The following TSHZ2 variants were observed in gnomAD, a reference collection of about 807,000 sequenced individuals.
The protein encoded by TSHZ2 is teashirt zinc finger homeobox 2.
Under a neutral mutation model 74.4 loss-of-function variants are expected in TSHZ2, and 21 were observed. The ratio of observed to expected loss-of-function variants is 0.28; its 90% CI spans 0.20 to 0.41. The LOEUF is 0.41. TSHZ2 is among the 10% of genes least tolerant of loss of function. TSHZ2 has a pLI of 1.00. For missense variants in TSHZ2, 1,244 were observed against 1,293.5 expected, an observed-to-expected ratio of 0.96 and a Z score of 0.59; for synonymous variants, 540 against 515.3, an observed-to-expected ratio of 1.05 and a Z score of -0.65.
intron 1 of TSHZ2, among the ~76,000 whole-genome samples, chr20:53,166,203 TG>T (rs1009020239): frequency 9.9e-5 from 15 of 152,216 alleles, no homozygotes; most frequent in African/African-American, 3.6e-4. Flanking sequence ...CAGGAGGTAT[TG>T]GGGCAGTTTC....
intron 1 of TSHZ2, among the ~76,000 whole-genome samples, chr20:53,076,388 C>T (rs1985364043): frequency 6.6e-6 from 1 of 152,200 alleles, no homozygotes; most frequent in South Asian, 2.1e-4. Flanking sequence ...TTCATTTGTT[C>T]AACTTACTGA....
At chr20:53,379,029 T>C (rs1981762869) in intron 2 of TSHZ2, among the ~76,000 whole-genome samples, 1 of 152,314 alleles carries the variant, frequency 6.6e-6, no homozygotes, top group Admixed American at 6.5e-5. Context: ...GATTTTTTTG[T>C]TTATTTTTTA....
intron 1 of TSHZ2, among the ~76,000 whole-genome samples, chr20:52,990,379 G>A (rs899811731): frequency 6.9e-6 from 1 of 143,902 alleles, no homozygotes; most frequent in Non-Finnish European, 1.5e-5. Context: ...CTTGGCTTAA[G>A]TACGCTGAAC....
intron 1 of TSHZ2, among the ~76,000 whole-genome samples, chr20:53,177,201 A>G (rs1438175696): frequency 6.6e-6 from 1 of 152,188 alleles, no homozygotes; most frequent in African/African-American, 2.4e-5. Context: ...GCATCTTTGT[A>G]ACCTACCTGC....
In TSHZ2 at chr20:53,190,125, ATATATATATATATT is replaced by A. The variant is rs1219604828; in HGVS notation, c.41-63372_41-63359del. Among the ~76,000 whole-genome samples, 570 of 91,286 alleles carry A rather than the reference ATATATATATATATT, an allele frequency of 6.2e-3. 30 individuals carry two copies. The highest frequency in any genetic ancestry group is 0.05 in the South Asian group (142 of 2,824). 59.9% of individuals were successfully genotyped at this position (91,286 alleles called of 152,430 possible). ...TATATATATATATATATATATATAT[ATATATATATATATT>A]TTCTTAAATGCCTCTGTTTCTTTTT... is the stretch of plus-strand genomic sequence containing the variant. On this transcript the variant is annotated intron_variant, in intron 1 of 2. Transcript: ENST00000371497.
At chr20:53,292,655 G>A (rs1991301833) in intron 2 of TSHZ2, among the ~76,000 whole-genome samples, 1 of 151,908 alleles carries the variant, frequency 6.6e-6, no homozygotes, top group Non-Finnish European at 1.5e-5. Flanking sequence ...TCACTATGTT[G>A]CCCAGTCTAT....
At chr20:53,423,921 G>C (rs375508662) in intron 2 of TSHZ2, among the ~76,000 whole-genome samples, 1 of 152,190 alleles carries the variant, frequency 6.6e-6, no homozygotes, top group Admixed American at 6.5e-5. Context: ...TGCTGTTAGC[G>C]CCTACAGACT....
chr20:53,045,489 A>G (rs1432222625), intron 1 of TSHZ2, among the ~76,000 whole-genome samples: 2 of 152,184 alleles, frequency 1.3e-5, no homozygotes, highest in Non-Finnish European at 2.9e-5. Context: ...ATGGTGTAGG[A>G]AAGGGGGCAC....
intron 2 of TSHZ2, among the ~76,000 whole-genome samples, chr20:53,274,601 G>A (rs1167824163): frequency 6.6e-6 from 1 of 152,220 alleles, no homozygotes; most frequent in Non-Finnish European, 1.5e-5. Context: ...GGAAAGCTGA[G>A]GTAGATGTCA....
chr20:53,005,546 T>G (rs2252225), intron 1 of TSHZ2, among the ~76,000 whole-genome samples: 48,883 of 151,938 alleles, frequency 0.32, 8,571 homozygotes, highest in Non-Finnish European at 0.41. Flanking sequence ...CTTTGGAGAT[T>G]CTCTGTAAAT....
intron 1 of TSHZ2, among the ~76,000 whole-genome samples, chr20:53,168,099 T>C (rs929265310): frequency 3.9e-5 from 6 of 152,314 alleles, no homozygotes; most frequent in Admixed American, 2.0e-4. Flanking sequence ...TGTGTGATTA[T>C]GTCCAGAAGG....
At chr20:53,422,690 G>A (rs1453615770) in intron 2 of TSHZ2, among the ~76,000 whole-genome samples, 3 of 152,044 alleles carry the variant, frequency 2.0e-5, no homozygotes, top group Non-Finnish European at 4.4e-5. Flanking sequence ...TCAAAGGCTG[G>A]GCTTTTCTCA....
intron 1 of TSHZ2, among the ~76,000 whole-genome samples, chr20:53,177,182 C>A (rs1988363660): frequency 6.6e-6 from 1 of 152,184 alleles, no homozygotes; most frequent in African/African-American, 2.4e-5. Context: ...CTGCATCCAA[C>A]CACTGTATGC....
At chr20:53,033,650 G>GTTTT (rs553637999) in intron 1 of TSHZ2, among the ~76,000 whole-genome samples, 1 of 60,548 alleles carries the variant, frequency 1.7e-5, no homozygotes, top group Non-Finnish European at 3.1e-5. Context: ...TTGATAAAAA[G>GTTTT]CTTTTTTTTT....
chr20:53,445,103 G>A (rs2145766811), intron 2 of TSHZ2, among the ~76,000 whole-genome samples: 1 of 152,308 alleles, frequency 6.6e-6, no homozygotes, highest in Non-Finnish European at 1.5e-5. Flanking sequence ...AAAGGCAGGA[G>A]GGATGAGAGG....
At chr20:53,266,649 T>G (rs948205899) in intron 2 of TSHZ2, among the ~76,000 whole-genome samples, 1 of 152,172 alleles carries the variant, frequency 6.6e-6, no homozygotes, top group Non-Finnish European at 1.5e-5. Flanking sequence ...AATCCAAAAG[T>G]GTTTGTGTGC....
intron 2 of TSHZ2, among the ~76,000 whole-genome samples, chr20:53,257,827 A>G (rs895506303): frequency 6.6e-6 from 1 of 152,222 alleles, no homozygotes. Flanking sequence ...ATCGAATATG[A>G]AAAACTAATA....
intron 2 of TSHZ2, among the ~76,000 whole-genome samples, chr20:53,373,705 A>G (rs1981558641): frequency 6.6e-6 from 1 of 152,222 alleles, no homozygotes; most frequent in Non-Finnish European, 1.5e-5. Flanking sequence ...ACAAAAAGCA[A>G]TGAGTCAAAC....
At chr20:53,438,459 A>G (rs577974208) in intron 2 of TSHZ2, among the ~76,000 whole-genome samples, 1 of 152,164 alleles carries the variant, frequency 6.6e-6, no homozygotes, top group African/African-American at 2.4e-5. Context: ...AGCCGTCATA[A>G]TAAGAAAATT....
Sources: allele counts gnomAD v4.1 joint callset (sites outside exome capture counted in the v4.1 genomes callset), GRCh38; gene constraint gnomAD v4.1.1; transcripts MANE v1.5; gene names NCBI Gene and HGNC (gene_info 2026-07-23, HGNC 2026-07-21).